Variants in ZSWIM4 observed in about 807,000 individuals in gnomAD.
The protein encoded by ZSWIM4 is zinc finger SWIM domain-containing protein 4.
In ZSWIM4, 62 loss-of-function variants were observed where a neutral mutation model predicts 102.5. That is an observed-to-expected ratio of 0.60 (90% CI 0.49 to 0.75). The LOEUF is 0.75. Among genes scored for constraint, ZSWIM4 ranks in the 30% least tolerant of loss-of-function variants. The pLI, the probability that ZSWIM4 is intolerant of heterozygous loss-of-function variation, is 0.00. For synonymous variants in ZSWIM4, 652 were observed against 674.5 expected (o/e 0.97, Z 0.52); for missense variants, 1,280 against 1,529.6 (o/e 0.84, Z 2.72).
At chr19:13,805,575 G>C (rs1189075424) in intron 3 of ZSWIM4, among the ~76,000 whole-genome samples, 1 of 151,880 alleles carries the variant, frequency 6.6e-6, no homozygotes, top group African/African-American at 2.4e-5. Context: ...GGAGGGTTTG[G>C]GGGGCTCCGA....
At chr19:13,803,134 C>T (rs1419678577) in intron 2 of ZSWIM4, among the ~76,000 whole-genome samples, 1 of 152,234 alleles carries the variant, frequency 6.6e-6, no homozygotes, top group African/African-American at 2.4e-5. Context: ...GCCCCGTCGG[C>T]TCTATCTGCT....
chr19:13,804,818 G>A lies in ZSWIM4; in HGVS notation c.382G>A (p.Glu128Lys), dbSNP rs375473710. Residue 128 changes from glutamate to lysine, a missense_variant, in exon 3 of 14, where the codon GAG becomes AAG. By Grantham distance (56) the Glu-to-Lys change is moderately conservative. Transcript: ENST00000590508. ...VGFHLSGNIR[E>K]PGSPGEPERL... ...ATTCCACCTGAGCGGAAACATCCGC[G>A]AGCCAGGGAGTCCTGGAGAGCCCGA... 2.6e-5 allele frequency: 42 copies of A among 1,596,428 alleles called. No individual in the cohort carries two copies. Among genetic ancestry groups the A allele is most frequent in the Admixed American group, 2.2e-4 (13 of 59,016 alleles).
In ZSWIM4 at chr19:13,830,936, C is replaced by T; in HGVS notation, c.3207C>T (p.Thr1069=). The change falls in exon 14 of 14, where the codon ACC becomes ACT. Residue 1069 remains threonine, a synonymous_variant. Transcript: ENST00000590508. ...AATTCCTGGGCAAGGCCCGGGAGAC[C>T]TTCCTGCTGGCGCCCGACGGGCACC... ...FIEFLGKARE[T]FLLAPDGHLQ... is the part of the protein sequence containing the mutation. 1 of 1,614,234 alleles carries T rather than the reference C, an allele frequency of 6.2e-7. No individual in the cohort carries two copies. The highest frequency in any genetic ancestry group is 8.5e-7 in the Non-Finnish European group (1 of 1,180,040).
Position 13,805,078 on chromosome 19 carries a change from G to T in ZSWIM4, c.642G>T (p.Glu214Asp). Reference sequence around the variant, plus strand: ...ACCTCATCAGCGCCCATCACACTGAGGTGCTGCCCACTGCTCAGCGCTTGG... The same window carrying T: ...ACCTCATCAGCGCCCATCACACTGATGTGCTGCCCACTGCTCAGCGCTTGG... ...VQYLISAHHTEVLPTAQRLAD... is the reference protein window; with the variant it reads ...VQYLISAHHTDVLPTAQRLAD... The change falls in exon 3 of 14, where the codon GAG becomes GAT. Residue 214 changes from glutamate (E) to aspartate (D), a missense_variant. Physicochemically the swap from Glu to Asp is conservative, Grantham distance 45. Transcript: ENST00000590508. 1 of 1,607,416 alleles carries T rather than the reference G, an allele frequency of 6.2e-7. No homozygotes were observed. Among genetic ancestry groups the T allele is most frequent in the Non-Finnish European group, 8.5e-7 (1 of 1,179,974 alleles).
At chr19:13,797,025 G>C (rs560710599) in intron 1 of ZSWIM4, 1 of 152,358 alleles carries the variant, frequency 6.6e-6, no homozygotes, top group Non-Finnish European at 1.5e-5. Flanking sequence ...AAACCCAGGT[G>C]GAGTAGGGGC....
intron 2 of ZSWIM4, among the ~76,000 whole-genome samples, chr19:13,802,723 C>T (rs1178473294): frequency 2.0e-5 from 3 of 152,072 alleles, no homozygotes; most frequent in African/African-American, 7.2e-5. Flanking sequence ...GTACCACAGG[C>T]GCAGGCCACC....
chr19:13,805,268 A>C, intron 3 of ZSWIM4, 120 bp downstream of exon 3: 1 of 880,746 alleles, frequency 1.1e-6, no homozygotes, highest in Non-Finnish European at 1.8e-6. Context: ...GGGGCGGAAA[A>C]CGCGCCATGG....
rs889853702 is a variant in ZSWIM4 at position 13,823,437 on chromosome 19, A to G, written c.2152A>G (p.Ile718Val). The G allele has an allele frequency of 2.6e-5, 41 of 1,596,422 alleles. No individual in the cohort carries two copies. The highest frequency in any genetic ancestry group is 3.3e-5 in the Non-Finnish European group (39 of 1,170,408). ...GAGCAACCGCTTCCCCCGCTGGTTCATCCTTGGCCACCTGGAGACCCGCCA... is the reference window on the plus strand; with the variant it reads ...GAGCAACCGCTTCCCCCGCTGGTTCGTCCTTGGCCACCTGGAGACCCGCCA... ...IMSNRFPRWFILGHLETRQCE... is the reference protein window; with the variant it reads ...IMSNRFPRWFVLGHLETRQCE... The change falls in exon 11 of 14, where the codon ATC becomes GTC. Residue 718 changes from isoleucine (I) to valine (V), a missense_variant. Coordinates refer to ENST00000590508, the MANE Select transcript of ZSWIM4 (RefSeq NM_001367834.3).
Position 13,808,867 on chromosome 19 carries a change from C to A in ZSWIM4, c.744C>A (p.Ile248=), listed in dbSNP as rs756132622. The A allele has an allele frequency of 6.2e-7, 1 of 1,611,278 alleles. No homozygotes were observed. Among genetic ancestry groups the A allele is most frequent in the African/African-American group, 1.3e-5 (1 of 74,994 alleles). ...GAPDPTAGAG[I]EDANCWHLDE... ...CAGACCCCACCGCCGGCGCAGGAAT[C>A]GAGGACGCCAACTGCTGGCACCTGG... The change falls in exon 4 of 14, where the codon ATC becomes ATA. Residue 248 remains isoleucine, a synonymous_variant. Transcript: ENST00000590508.
At position 13,831,154 on chromosome 19, in the gene ZSWIM4, G is replaced by A; in HGVS notation, c.*104G>A. 1.4e-6 allele frequency: 2 copies of A among 1,439,422 alleles called. No individual in the cohort carries two copies. The highest frequency in any genetic ancestry group is 2.8e-5 in the South Asian group (2 of 71,698). The allele number at this position is 1,439,422 out of a possible 1,614,324, so 89.2% of individuals were successfully genotyped here. A position where few individuals can be genotyped will look rare whatever the true frequency, so the allele number is the denominator to read the frequency against. Reference sequence around the variant, plus strand: ...GGCATTTCAGTATTATTAAGTCAGGGAAGGAGCCCGGCTGGAGATGGGGGC... The same window carrying A: ...GGCATTTCAGTATTATTAAGTCAGGAAAGGAGCCCGGCTGGAGATGGGGGC... On this transcript the variant is annotated 3_prime_UTR_variant, in exon 14 of 14. Transcript: ENST00000590508.
intron 7 of ZSWIM4, 56 bp downstream of exon 7, chr19:13,814,921 C>A (rs1975228135): frequency 1.8e-6 from 2 of 1,082,590 alleles, no homozygotes; most frequent in Non-Finnish European, 2.4e-6. Flanking sequence ...CATTGGGAGT[C>A]CGAGGTGGGA....
At chr19:13,807,036 TA>T (rs761824280) in intron 3 of ZSWIM4, among the ~76,000 whole-genome samples, 3 of 152,104 alleles carry the variant, frequency 2.0e-5, no homozygotes, top group East Asian at 3.9e-4. Context: ...TATTGGGTGA[TA>T]ACTAATAGTT....
intron 5 of ZSWIM4, among the ~76,000 whole-genome samples, chr19:13,811,288 C>T (rs542649398): frequency 1.3e-5 from 2 of 152,242 alleles, no homozygotes; most frequent in East Asian, 1.9e-4. Context: ...TCATGAAGAC[C>T]TCACTCTGTC....
Position 13,805,136 on chromosome 19 carries a change from A to G in ZSWIM4, c.700A>G (p.Asn234Asp). ...GATCCTCCTGCTGGGCTCCGAGATC[A>G]ACTTGGTGAATGGTAAGGGCACCCC... ...DEILLLGSEINLVNGAPDPTA... is the reference protein window; with the variant it reads ...DEILLLGSEIDLVNGAPDPTA... Residue 234 changes from asparagine (N) to aspartate (D), a missense_variant, in exon 3 of 14, where the codon AAC (asparagine) becomes GAC (aspartate). By Grantham distance (23) the Asn-to-Asp change is conservative. Transcript: ENST00000590508. 6.3e-7 allele frequency: 1 copy of G among 1,597,528 alleles called. No individual in the cohort carries two copies. Among genetic ancestry groups the G allele is most frequent in the Non-Finnish European group, 8.5e-7 (1 of 1,178,394 alleles).
At chr19:13,824,734 AAATAATAATAATAAT>A (rs59668197) in intron 11 of ZSWIM4, among the ~76,000 whole-genome samples, 1,702 of 146,796 alleles carry the variant, frequency 0.012, 78 homozygotes, top group Admixed American at 0.086. Context: ...CTCCATCTCA[AAATAATAATAATAAT>A]AATAATAATA....
In ZSWIM4 at chr19:13,830,312, C is replaced by G; in HGVS notation, c.2583C>G (p.Asp861Glu). 6.2e-7 allele frequency: 1 copy of G among 1,613,750 alleles called. No homozygotes were observed. Among genetic ancestry groups the G allele is most frequent in the Non-Finnish European group, 8.5e-7 (1 of 1,180,032 alleles). The change falls in exon 14 of 14, where the codon GAC (aspartate) becomes GAG (glutamate). Residue 861 changes from aspartate to glutamate, a missense_variant. Coordinates refer to ENST00000590508, the MANE Select transcript of ZSWIM4 (RefSeq NM_001367834.3). Reference sequence around the variant, plus strand: ...CCACTCTGCTGCGACTGCAGCTGGACACATCGCGGAGGGAGGAGCTCTGGG... The same window carrying G: ...CCACTCTGCTGCGACTGCAGCTGGAGACATCGCGGAGGGAGGAGCTCTGGG... ...THATLLRLQL[D>E]TSRREELWAC...
chr19:13,818,226 C>T (rs949052967), intron 9 of ZSWIM4, among the ~76,000 whole-genome samples: 6 of 152,228 alleles, frequency 3.9e-5, no homozygotes, highest in Non-Finnish European at 7.3e-5. Flanking sequence ...CCTTCCCTCC[C>T]GGGAGCCAGT....
In ZSWIM4 at chr19:13,808,994, G is replaced by C; in HGVS notation, c.861+10G>C. 6.2e-7 allele frequency: 1 copy of C among 1,609,772 alleles called. No homozygotes were observed. The highest frequency in any genetic ancestry group is 8.5e-7 in the Non-Finnish European group (1 of 1,177,366). On this transcript the variant is annotated intron_variant, in intron 4 of 13. Transcript: ENST00000590508. ...CTCCATGTTCAGCAAGGTGCCGTGC[G>C]GGCCGGCGGGGCGCGGGGTGCAGAA...
intron 13 of ZSWIM4, among the ~76,000 whole-genome samples, chr19:13,829,174 G>A (rs111604924): frequency 0.026 from 4,010 of 151,830 alleles, 165 homozygotes; most frequent in African/African-American, 0.092. Flanking sequence ...AGTCCTATCC[G>A]GAGGGCTGAG....
Sources: gnomAD v4.1 joint callset for allele counts (sites outside exome capture counted in the v4.1 genomes callset) on GRCh38, gnomAD v4.1.1 for gene constraint, MANE v1.5 for transcripts, NCBI Gene and HGNC (gene_info 2026-07-23, HGNC 2026-07-21) for gene names.